NHS: variants seen among roughly 807,000 people sequenced by gnomAD.
NHS encodes actin remodeling regulator NHS.
In NHS, 5 loss-of-function variants were observed where a neutral mutation model predicts 72.5. The observed-to-expected ratio is 0.07, with a 90% confidence interval of 0.04 to 0.14. The LOEUF is 0.14. NHS is among the 10% of genes least tolerant of loss of function. NHS has a pLI of 1.00. For synonymous variants in NHS, 464 were observed against 547.7 expected (o/e 0.85, Z 2.13); for missense variants, 1,072 against 1,355.7 (o/e 0.79, Z 3.29).
chrX:17,516,312 A>G (rs1451960156), intron 1 of NHS, among the ~76,000 whole-genome samples: 1 of 111,625 alleles, frequency 9.0e-6, no homozygotes. Context: ...CTTGGTGAGA[A>G]GCATTAGGCT....
At chrX:17,459,220 A>T (rs2064837535) in intron 1 of NHS, among the ~76,000 whole-genome samples, 1 of 112,532 alleles carries the variant, frequency 8.9e-6, no homozygotes, top group Admixed American at 9.4e-5. Flanking sequence ...AAGTCTGCGG[A>T]GACTGTGAGG....
chrX:17,677,990 G>C (rs757954554), intron 1 of NHS, among the ~76,000 whole-genome samples: 13 of 110,846 alleles, frequency 1.2e-4, no homozygotes, highest in Admixed American at 6.7e-4. Flanking sequence ...TGTTGTTGTT[G>C]TTGTTGTTGT....
At chrX:17,480,055 A>G (rs1323429513) in intron 1 of NHS, among the ~76,000 whole-genome samples, 2 of 111,638 alleles carry the variant, frequency 1.8e-5, no homozygotes, top group Non-Finnish European at 3.8e-5. Context: ...TAAAATACCT[A>G]GGAATACAAC....
At chrX:17,635,159 C>T in intron 1 of NHS, 1 of 326,905 alleles carries the variant, frequency 3.1e-6, no homozygotes, top group Non-Finnish European at 4.4e-6. Flanking sequence ...TGCTCCTAAC[C>T]CCCTGGCCAA....
At chrX:17,436,138 G>T (rs548804416) in intron 1 of NHS, among the ~76,000 whole-genome samples, 67 of 111,826 alleles carry the variant, frequency 6.0e-4, no homozygotes, top group South Asian at 1.1e-3. Context: ...GTGTTTTTTT[G>T]TTGTTGTTGT....
chrX:17,564,492 G>A (rs188268993), intron 1 of NHS, among the ~76,000 whole-genome samples: 2 of 112,040 alleles, frequency 1.8e-5, no homozygotes, highest in East Asian at 5.6e-4. Flanking sequence ...CAATTTGGGG[G>A]TTTCAAATGA....
chrX:17,645,786 T>C (rs1186694163), intron 1 of NHS, among the ~76,000 whole-genome samples: 2 of 112,323 alleles, frequency 1.8e-5, no homozygotes, highest in East Asian at 5.5e-4. Context: ...TTTTAAAAAG[T>C]CAATTTTTAA....
chrX:17,672,687 G>A (rs935925727), intron 1 of NHS, among the ~76,000 whole-genome samples: 2 of 112,169 alleles, frequency 1.8e-5, no homozygotes, highest in African/African-American at 3.2e-5. Flanking sequence ...CCTCAATGCC[G>A]CACCTCCCAC....
intron 2 of NHS, among the ~76,000 whole-genome samples, chrX:17,690,737 G>A (rs2066190736): frequency 9.0e-6 from 1 of 111,594 alleles, no homozygotes; most frequent in Non-Finnish European, 1.9e-5. Flanking sequence ...ATTTCATAGA[G>A]CTTCAGGGAG....
chrX:17,710,476 C>T (rs187888813), intron 3 of NHS, among the ~76,000 whole-genome samples: 1 of 112,631 alleles, frequency 8.9e-6, no homozygotes, highest in African/African-American at 3.2e-5. Flanking sequence ...TATTGATAAA[C>T]ACAACAACTT....
intron 1 of NHS, among the ~76,000 whole-genome samples, chrX:17,393,279 C>T (rs2064454650): frequency 1.9e-5 from 2 of 106,716 alleles, no homozygotes; most frequent in Admixed American, 1.0e-4. Flanking sequence ...TGTACCTAGA[C>T]TTTCTGATCT....
intron 1 of NHS, among the ~76,000 whole-genome samples, chrX:17,492,662 G>C (rs762196214): frequency 2.7e-5 from 3 of 112,114 alleles, no homozygotes; most frequent in African/African-American, 9.7e-5. Context: ...ACTTGGTCCA[G>C]AGCTGAGCTC....
chrX:17,716,979 T>C (rs1053246776), intron 3 of NHS, among the ~76,000 whole-genome samples: 48 of 104,115 alleles, frequency 4.6e-4, no homozygotes, highest in Admixed American at 9.2e-4. Flanking sequence ...TTTTTTTTTT[T>C]CCCTCCGAGA....
intron 1 of NHS, among the ~76,000 whole-genome samples, chrX:17,579,420 T>G (rs1265673164): frequency 9.0e-6 from 1 of 111,282 alleles, no homozygotes; most frequent in Non-Finnish European, 1.9e-5. Context: ...TTGCTTCTCC[T>G]GCCTTTTTCA....
At chrX:17,731,684 G>A (rs1245660347) in intron 8 of NHS, among the ~76,000 whole-genome samples, 174 bp from the exon 9 acceptor site, 1 of 111,367 alleles carries the variant, frequency 9.0e-6, no homozygotes. Flanking sequence ...GGTGCTACAA[G>A]GACAAGGAAC....
chrX:17,379,917 T>C (rs1019032694), intron 1 of NHS, among the ~76,000 whole-genome samples: 13 of 112,022 alleles, frequency 1.2e-4, no homozygotes, highest in African/African-American at 3.9e-4. Context: ...TTGAGATACC[T>C]GATGTGTCTT....
chrX:17,438,832 G>A (rs149564150), intron 1 of NHS, among the ~76,000 whole-genome samples: 1 of 111,020 alleles, frequency 9.0e-6, no homozygotes, highest in East Asian at 2.9e-4. Context: ...AATTTGGTTG[G>A]GAGGGGAGAG....
At chrX:17,692,266 T>A in intron 2 of NHS, 69 bp from the exon 3 acceptor site, 8 of 1,127,305 alleles carry the variant, frequency 7.1e-6, no homozygotes, top group Non-Finnish European at 9.7e-6. Flanking sequence ...TTGCTAACAC[T>A]CCCAAGGGGA....
intron 1 of NHS, among the ~76,000 whole-genome samples, chrX:17,540,978 G>C (rs189966901): frequency 8.9e-6 from 1 of 111,741 alleles, no homozygotes; most frequent in African/African-American, 3.3e-5. Flanking sequence ...AGGCTGAGGC[G>C]GGAGGATTGC....
Sources: allele counts gnomAD v4.1 joint callset (sites outside exome capture counted in the v4.1 genomes callset), GRCh38; gene constraint gnomAD v4.1.1; transcripts MANE v1.5; gene names NCBI Gene and HGNC (gene_info 2026-07-23, HGNC 2026-07-21).